PKD1L3: variants seen among roughly 807,000 people sequenced by gnomAD.
PKD1L3 encodes the protein polycystin-1-like protein 3.
Under a neutral mutation model 184.1 loss-of-function variants are expected in PKD1L3, and 239 were observed. That is an observed-to-expected ratio of 1.30 (90% CI 1.17 to 1.45). PKD1L3 has a LOEUF of 1.45. Among genes scored for constraint, PKD1L3 ranks in the 40% most tolerant of loss-of-function variants. The pLI is 0.00. For synonymous variants in PKD1L3, 996 were observed against 778.8 expected (o/e 1.28, Z -4.64); for missense variants, 2,660 against 2,067.2 (o/e 1.29, Z -5.56).
At chr16:71,977,569 T>C (rs1181895276) in intron 10 of PKD1L3, 102 bp from the exon 11 acceptor site, 10 of 950,420 alleles carry the variant, frequency 1.1e-5, no homozygotes, top group Admixed American at 2.9e-5. Flanking sequence ...TCTTTTTTTT[T>C]TTTTTTTTTT....
In PKD1L3 at chr16:71,984,019, A is replaced by G. The variant is rs184868287; in HGVS notation, c.966+17T>C. The G allele has an allele frequency of 9.7e-6, 15 of 1,550,972 alleles. No individual in the cohort carries two copies. The East Asian group carries it at 2.2e-4, about 23-fold the overall frequency. ...CCTCTCTCCTACCTTCTTCCCTCCCAGTCACCCTCCACTTACCTGAGCTGG... is the reference window on the plus strand; with the variant it reads ...CCTCTCTCCTACCTTCTTCCCTCCCGGTCACCCTCCACTTACCTGAGCTGG... On this transcript the variant is annotated intron_variant, in intron 6 of 29. Coordinates refer to ENST00000620267, the MANE Select transcript of PKD1L3 (RefSeq NM_181536.2).
Position 71,986,461 on chromosome 16 carries a change from G to C in PKD1L3, c.594C>G (p.Thr198=). The change falls in exon 5 of 30, where the codon ACC becomes ACG. Residue 198 remains threonine (T), a synonymous_variant. Coordinates refer to ENST00000620267, the MANE Select transcript of PKD1L3 (RefSeq NM_181536.2). ...GAAACTGGCTGATGGGATGACACAG[G>C]GTCTTGGACTAAAAGATAAAAATAT... The part of the protein sequence containing the change: ...HYPLPAHLSK[T]LCHPISQFPS... The C allele has an allele frequency of 4.5e-6, 7 of 1,548,778 alleles. No individual in the cohort carries two copies. The highest frequency in any genetic ancestry group is 6.1e-6 in the Non-Finnish European group (7 of 1,145,050).
chr16:71,997,870 G>A (rs1597385061), intron 2 of PKD1L3, among the ~76,000 whole-genome samples: 1 of 152,288 alleles, frequency 6.6e-6, no homozygotes, highest in South Asian at 2.1e-4. Flanking sequence ...GCGAACCTCG[G>A]ATAACAGCCC....
chr16:71,936,513 T>C (rs941795504), intron 25 of PKD1L3, among the ~76,000 whole-genome samples: 18 of 142,542 alleles, frequency 1.3e-4, no homozygotes, highest in Non-Finnish European at 2.2e-4. Context: ...AATCACTTTT[T>C]TTTTTCTTTT....
At chr16:71,977,186 C>G in intron 11 of PKD1L3, 50 bp downstream of exon 11, 1 of 1,378,206 alleles carries the variant, frequency 7.3e-7, no homozygotes, top group East Asian at 2.5e-5. Context: ...GCACTACATC[C>G]TAGGCAAAAA....
In PKD1L3 at chr16:71,977,450, A is replaced by G. The variant is rs376379612; in HGVS notation, c.1545T>C (p.Asn515=). 4 of 1,549,208 alleles carry G rather than the reference A, an allele frequency of 2.6e-6. No individual in the cohort carries two copies. The highest frequency in any genetic ancestry group is 3.5e-6 in the Non-Finnish European group (4 of 1,145,054). The change falls in exon 11 of 30, where the codon AAT becomes AAC. Residue 515 remains asparagine, a synonymous_variant. Transcript: ENST00000620267. ...TGGTGGGATGGGTTTCCAAGCTAAC[A>G]TTTCTCCAGAGCATGATCTAGAATA... is the stretch of plus-strand genomic sequence containing the variant. ...MEDIEIMLWR[N]VSLETHPTSL...
intron 14 of PKD1L3, 127 bp from the exon 15 acceptor site, chr16:71,967,442 T>C (rs2039545217): frequency 1.0e-6 from 1 of 955,450 alleles, no homozygotes; most frequent in African/African-American, 1.7e-5. Flanking sequence ...TAGACAAGCA[T>C]AGATAATTCT....
rs192942234 is a variant in PKD1L3 at position 71,954,303 on chromosome 16, T to C, written c.2613-2A>G. 4.0e-5 allele frequency: 61 copies of C among 1,523,628 alleles called. No individual in the cohort carries two copies. In the African/African-American group the frequency reaches 6.7e-4, roughly 17 times the overall value. The allele number at this position is 1,523,628 out of a possible 1,614,324, so 94.4% of individuals were successfully genotyped here. On this transcript the variant is annotated splice_acceptor_variant, in intron 16 of 29. Coordinates refer to ENST00000620267, the MANE Select transcript of PKD1L3 (RefSeq NM_181536.2). LOFTEE classifies it high-confidence loss of function. ...ACAATCATGGAGGAAAACAGATGTC[T>C]GAAAAGAGAAATCAGAAGAGGAAAT...
intron 15 of PKD1L3, among the ~76,000 whole-genome samples, chr16:71,963,873 C>A (rs1161084302): frequency 6.6e-6 from 1 of 152,100 alleles, no homozygotes; most frequent in East Asian, 1.9e-4. Context: ...GCAAACCTTT[C>A]TCACCTATGA....
At chr16:71,995,776 A>C (rs2040762921) in intron 2 of PKD1L3, among the ~76,000 whole-genome samples, 1 of 152,226 alleles carries the variant, frequency 6.6e-6, no homozygotes, top group African/African-American at 2.4e-5. Context: ...GGTCAAGGGT[A>C]GATGTATATG....
chr16:71,947,820 T>C (rs1252217963), intron 21 of PKD1L3, among the ~76,000 whole-genome samples: 1 of 152,238 alleles, frequency 6.6e-6, no homozygotes. Flanking sequence ...TAGTTCTTAA[T>C]CTGGTTGGCT....
At chr16:71,994,991 G>GA (rs912010837) in intron 2 of PKD1L3, among the ~76,000 whole-genome samples, 103 of 149,548 alleles carry the variant, frequency 6.9e-4, no homozygotes, top group African/African-American at 1.9e-3. Context: ...TCCATCTCAA[G>GA]AAAAAAAAAC....
At chr16:71,945,305 TACACACACACACACAC>T (rs377392088) in intron 22 of PKD1L3, among the ~76,000 whole-genome samples, 9,839 of 56,650 alleles carry the variant, frequency 0.17, 865 homozygotes, top group East Asian at 0.24. Context: ...TATATATATA[TACACACACACACACAC>T]ATATATACAC....
chr16:71,978,502 TATATATATATATATATATAC>T, intron 9 of PKD1L3, 119 bp from the exon 10 acceptor site: 1 of 119,902 alleles, frequency 8.3e-6, no homozygotes, highest in African/African-American at 4.5e-5. Context: ...TGTGTATATA[TATATATATATATATATATAC>T]ATACATACAT....
At chr16:71,946,201 G>C (rs767930759) in intron 22 of PKD1L3, among the ~76,000 whole-genome samples, 5 of 152,152 alleles carry the variant, frequency 3.3e-5, no homozygotes, top group Non-Finnish European at 7.3e-5. Context: ...TTTAAAGTCA[G>C]ATTAAGTTTT....
At chr16:71,971,853 G>A (rs1426750124) in intron 12 of PKD1L3, among the ~76,000 whole-genome samples, 1 of 152,136 alleles carries the variant, frequency 6.6e-6, no homozygotes, top group Non-Finnish European at 1.5e-5. Flanking sequence ...GGCCAAGGCG[G>A]GCAGATCACC....
Position 71,929,612 on chromosome 16 carries a change from G to A in PKD1L3, c.5125C>T (p.Gln1709Ter). Residue 1709 changes from glutamine (Q) to a stop codon, truncating the protein, a stop_gained, in exon 30 of 30, where the codon CAA becomes TAA. Transcript: ENST00000620267. LOFTEE classifies it low-confidence loss of function (END_TRUNC). ...GCTGCTTGCTCAGATGAGGTTTTTT[G>A]GGGCCAACTGATTCCTAACAAATTT... ...LSNLLGISWP[Q>*]KTSSEQAATT... 1 of 1,551,672 alleles carries A rather than the reference G, an allele frequency of 6.4e-7. No individual in the cohort carries two copies. Among genetic ancestry groups the A allele is most frequent in the African/African-American group, 1.4e-5 (1 of 73,026 alleles).
intron 12 of PKD1L3, among the ~76,000 whole-genome samples, chr16:71,970,317 T>A (rs918933130): frequency 6.6e-6 from 1 of 152,216 alleles, no homozygotes; most frequent in African/African-American, 2.4e-5. Flanking sequence ...AATCCTGCAA[T>A]TCCAGTTCTG....
At chr16:71,930,255 T>TA in intron 28 of PKD1L3, 72 bp from the exon 29 acceptor site, 2 of 1,402,014 alleles carry the variant, frequency 1.4e-6, no homozygotes, top group South Asian at 1.7e-5. Context: ...AGCTATATGC[T>TA]AGTGTTTGGG....
Sources: allele counts gnomAD v4.1 joint callset (sites outside exome capture counted in the v4.1 genomes callset), GRCh38; gene constraint gnomAD v4.1.1; transcripts MANE v1.5; gene names NCBI Gene and HGNC (gene_info 2026-07-23, HGNC 2026-07-21).